The following GSE1 variants were observed in gnomAD, a reference collection of about 807,000 sequenced individuals.
The protein encoded by GSE1 is Gse1 coiled-coil protein.
GSE1 carries 32 observed loss-of-function variants against 112.6 expected under a neutral mutation model. The observed-to-expected ratio is 0.28, with a 90% CI of 0.21 to 0.38. The LOEUF (loss-of-function observed/expected upper bound fraction) is 0.38. GSE1 is among the 10% of genes least tolerant of loss of function. The pLI is 1.00. For missense variants in GSE1, 2,348 were observed against 1,699.2 expected, an observed-to-expected ratio of 1.38 and a Z score of -6.71; for synonymous variants, 1,115 against 735.6, an observed-to-expected ratio of 1.52 and a Z score of -8.35.
intron 1 of GSE1, among the ~76,000 whole-genome samples, chr16:85,286,294 C>T (rs1015041998): frequency 2.0e-5 from 3 of 152,222 alleles, no homozygotes; most frequent in African/African-American, 7.2e-5. Context: ...CGTGTCCTTG[C>T]CAAGTGACTC....
At chr16:85,292,996 C>G (rs1035384629) in intron 1 of GSE1, among the ~76,000 whole-genome samples, 1 of 152,086 alleles carries the variant, frequency 6.6e-6, no homozygotes, top group Admixed American at 6.5e-5. Context: ...TTTAAGTGTC[C>G]GTTTTGAAGA....
intron 2 of GSE1, among the ~76,000 whole-genome samples, chr16:85,483,753 C>T (rs959661896): frequency 1.3e-5 from 2 of 152,272 alleles, no homozygotes; most frequent in African/African-American, 4.8e-5. Flanking sequence ...TAGCAGCAGG[C>T]TCGGTGCTTG....
rs1184129558 is a variant in GSE1 at position 85,201,609 on chromosome 16, G to T, written c.2283+29802G>T. 3.3e-5 allele frequency among the ~76,000 whole-genome samples: 5 copies of T among 151,334 alleles called. No homozygotes were observed. In the East Asian group the frequency reaches 9.7e-4, roughly 29 times the overall value. ...AGAGGTTGCAGTGAGCTGAGATCAG[G>T]CCACTGCACTCCAGCCTGAGTGAAA... On this transcript the variant is annotated intron_variant, in intron 1 of 2. Transcript: ENST00000637419.
intron 1 of GSE1, among the ~76,000 whole-genome samples, chr16:85,275,288 C>T (rs1909246207): frequency 6.6e-6 from 1 of 152,178 alleles, no homozygotes; most frequent in Non-Finnish European, 1.5e-5. Flanking sequence ...CCCGTTCCTC[C>T]ACACCGAAGG....
intron 1 of GSE1, among the ~76,000 whole-genome samples, chr16:85,581,160 C>G (rs2046432707): frequency 6.6e-6 from 1 of 152,198 alleles, no homozygotes; most frequent in African/African-American, 2.4e-5. Context: ...CCCACATGGG[C>G]TCCTCTCTCC....
chr16:85,562,362 C>A (rs571675477), intron 1 of GSE1, among the ~76,000 whole-genome samples: 12 of 152,194 alleles, frequency 7.9e-5, no homozygotes, highest in South Asian at 4.1e-4. Flanking sequence ...GTTCCCACCC[C>A]CCCTGCCCAA....
chr16:85,565,394 C>CAAAAAAAAAAAA (rs36033236), intron 1 of GSE1, among the ~76,000 whole-genome samples: 1 of 119,446 alleles, frequency 8.4e-6, no homozygotes, highest in African/African-American at 3.5e-5. Context: ...GACTCTGTCT[C>CAAAAAAAAAAAA]AAAAAAAAAA....
intron 1 of GSE1, among the ~76,000 whole-genome samples, chr16:85,353,117 G>T (rs970716968): frequency 6.6e-6 from 1 of 152,256 alleles, no homozygotes; most frequent in Non-Finnish European, 1.5e-5. Context: ...TGCAGATCAA[G>T]GTGTTGGCTA....
intron 1 of GSE1, among the ~76,000 whole-genome samples, chr16:85,220,899 C>T (rs1049708602): frequency 2.6e-5 from 4 of 151,134 alleles, no homozygotes; most frequent in Non-Finnish European, 5.9e-5. Context: ...CCCCCCACTG[C>T]TTCCTCCAGC....
At chr16:85,273,092 G>A (rs1297058981) in intron 1 of GSE1, among the ~76,000 whole-genome samples, 7 of 152,172 alleles carry the variant, frequency 4.6e-5, no homozygotes, top group Admixed American at 2.6e-4. Context: ...GGCCCTACTT[G>A]TTCTCAGGGA....
chr16:85,419,174 G>A lies in GSE1; in HGVS notation c.2464+61531G>A, dbSNP rs977251413. 2.6e-5 allele frequency among the ~76,000 whole-genome samples: 4 copies of A among 152,158 alleles called. No individual in the cohort carries two copies. The highest frequency in any genetic ancestry group is 5.9e-5 in the Non-Finnish European group (4 of 68,020). On this transcript the variant is annotated intron_variant, in intron 2 of 2. Transcript: ENST00000637419. This position sits in a 1 kb window ranked among gnomAD's most constrained non-coding sequence, Gnocchi z 6.5. Reference sequence around the variant, plus strand: ...TGGGAGCCCAGGCACCGAGCCTGGGGATTCTGACAGTCAGAGGCTGCCTTA... The same window carrying A: ...TGGGAGCCCAGGCACCGAGCCTGGGAATTCTGACAGTCAGAGGCTGCCTTA...
intron 1 of GSE1, among the ~76,000 whole-genome samples, chr16:85,623,964 A>T (rs552321999): frequency 6.6e-6 from 1 of 152,276 alleles, no homozygotes; most frequent in East Asian, 1.9e-4. Context: ...TACAGAAGGG[A>T]CAGGCATTCA....
chr16:85,451,338 G>A (rs991065291), intron 2 of GSE1, among the ~76,000 whole-genome samples: 5 of 152,218 alleles, frequency 3.3e-5, no homozygotes, highest in East Asian at 3.8e-4. Context: ...TCATGTAGGC[G>A]GAGGCGTTCA....
intron 2 of GSE1, among the ~76,000 whole-genome samples, chr16:85,443,523 T>G (rs1387366833): frequency 6.6e-6 from 1 of 152,270 alleles, no homozygotes; most frequent in Admixed American, 6.5e-5. Flanking sequence ...AATGTTTATA[T>G]AAGCGTTAAC....
intron 1 of GSE1, among the ~76,000 whole-genome samples, chr16:85,275,486 A>C (rs985372988): frequency 6.6e-6 from 1 of 152,208 alleles, no homozygotes; most frequent in African/African-American, 2.4e-5. Context: ...CCTCGGTGCG[A>C]GTCTCAGACC....
intron 1 of GSE1, among the ~76,000 whole-genome samples, chr16:85,326,982 G>A (rs960575109): frequency 2.0e-5 from 3 of 152,254 alleles, no homozygotes; most frequent in Non-Finnish European, 4.4e-5. Context: ...GGCAGGGAGG[G>A]CTGGTCCTGC....
intron 1 of GSE1, among the ~76,000 whole-genome samples, chr16:85,312,609 C>T (rs532216340): frequency 3.4e-4 from 51 of 152,238 alleles, no homozygotes; most frequent in Admixed American, 1.4e-3. Flanking sequence ...TGCAAAGACC[C>T]CCTTTCCAGA....
At chr16:85,559,059 T>C (rs1221916781) in intron 1 of GSE1, among the ~76,000 whole-genome samples, 2 of 152,196 alleles carry the variant, frequency 1.3e-5, no homozygotes, top group African/African-American at 4.8e-5. Context: ...GGTTTCGCCA[T>C]GTTGGCCAGG....
At chr16:85,312,842 G>T (rs757972018) in intron 1 of GSE1, among the ~76,000 whole-genome samples, 17 of 151,956 alleles carry the variant, frequency 1.1e-4, no homozygotes, top group South Asian at 2.1e-4. Flanking sequence ...TGGCCTCAGA[G>T]GGGAGTAGCT....
Sources: allele counts gnomAD v4.1 joint callset (sites outside exome capture counted in the v4.1 genomes callset), GRCh38; gene constraint gnomAD v4.1.1; non-coding constraint Gnocchi (gnomAD v3.1); transcripts MANE v1.5; gene names NCBI Gene and HGNC (gene_info 2026-07-23, HGNC 2026-07-21).